Variants in GALNT6 observed in about 807,000 individuals in gnomAD.
The protein encoded by GALNT6 is polypeptide N-acetylgalactosaminyltransferase 6.
In GALNT6, 51 loss-of-function variants were observed where a neutral mutation model predicts 65.9. That is an observed-to-expected ratio of 0.77 (90% CI 0.62 to 0.98). The LOEUF (loss-of-function observed/expected upper bound fraction) is 0.98. Among genes scored for constraint, GALNT6 ranks in the 50% least tolerant of loss-of-function variants. The pLI is 0.00. For synonymous variants in GALNT6, 323 were observed against 315.1 expected (o/e 1.02, Z -0.26); for missense variants, 708 against 803.3 (o/e 0.88, Z 1.43).
Position 51,354,638 on chromosome 12 carries a change from T to A in GALNT6, c.1756-146A>T, listed in dbSNP as rs1020993664. 1.7e-5 allele frequency: 10 copies of A among 594,552 alleles called. No homozygotes were observed. The African/African-American group carries it at 2.0e-4, about 12-fold the overall frequency. 36.8% of individuals were successfully genotyped at this position (594,552 alleles called of 1,614,324 possible). A position where few individuals can be genotyped will look rare whatever the true frequency, so the allele number is the denominator to read the frequency against. ...ACACTTCCCCATTCCTTTCCTGCCC[T>A]CTCATGAGACACATTCCTGAGTTCC... is the stretch of plus-strand genomic sequence containing the variant. On this transcript the variant is annotated intron_variant, in intron 11 of 11. Coordinates refer to ENST00000356317, the MANE Select transcript of GALNT6 (RefSeq NM_007210.4).
intron 2 of GALNT6, among the ~76,000 whole-genome samples, chr12:51,385,868 T>C (rs1947822919): frequency 6.6e-6 from 1 of 152,066 alleles, no homozygotes; most frequent in East Asian, 1.9e-4. Flanking sequence ...AGGGTCTCAC[T>C]CTGTCACCCA....
chr12:51,354,547 T>A, intron 11 of GALNT6, 55 bp from the exon 12 acceptor site: 1 of 1,041,664 alleles, frequency 9.6e-7, no homozygotes, highest in Non-Finnish European at 1.4e-6. Context: ...TTAACGGTGC[T>A]ACCAGGGACA....
At chr12:51,363,778 A>T (rs1450883465) in intron 6 of GALNT6, among the ~76,000 whole-genome samples, 1 of 152,188 alleles carries the variant, frequency 6.6e-6, no homozygotes, top group Non-Finnish European at 1.5e-5. Flanking sequence ...GGAGGAATAA[A>T]CTAAAGAATG....
Position 51,354,600 on chromosome 12 carries a change from A to G in GALNT6, c.1756-108T>C, listed in dbSNP as rs898518964. ...TGACAAAAGCCAAGGGAACCCCACA[A>G]GGCACAAAGAGGACACTTCCCCATT... is the stretch of plus-strand genomic sequence containing the variant. On this transcript the variant is annotated intron_variant, in intron 11 of 11. Coordinates refer to ENST00000356317, the MANE Select transcript of GALNT6 (RefSeq NM_007210.4). 1.2e-5 allele frequency: 8 copies of G among 655,980 alleles called. No homozygotes were observed. In the South Asian group the frequency reaches 1.6e-4, roughly 13 times the overall value. 40.6% of individuals were successfully genotyped at this position (655,980 alleles called of 1,614,324 possible).
In GALNT6 at chr12:51,387,892, G is replaced by GA. The variant is rs1237656257; in HGVS notation, c.-104+2957dup. 6.6e-6 allele frequency among the ~76,000 whole-genome samples: 1 copy of GA among 152,116 alleles called. No individual in the cohort carries two copies. Among genetic ancestry groups the GA allele is most frequent in the African/African-American group, 2.4e-5 (1 of 41,414 alleles). Reference sequence around the variant, plus strand: ...GAAGGGGGCTTAATGGGAGAGACTAGAATTGAATTTTTCCTTTTCTCCTCA... The same window carrying GA: ...GAAGGGGGCTTAATGGGAGAGACTAGAAATTGAATTTTTCCTTTTCTCCTCA... On this transcript the variant is annotated intron_variant, in intron 2 of 11. Transcript: ENST00000356317. This position sits in a 1 kb window ranked among gnomAD's most constrained non-coding sequence, Gnocchi z 4.2.
chr12:51,370,329 G>A (rs1947253311), intron 4 of GALNT6, among the ~76,000 whole-genome samples: 1 of 152,066 alleles, frequency 6.6e-6, no homozygotes, highest in South Asian at 2.1e-4. Context: ...TGGATCACCT[G>A]AGGTCAGGAG....
chr12:51,357,194 A>C (rs951671674), intron 10 of GALNT6, among the ~76,000 whole-genome samples, 155 bp downstream of exon 10: 2 of 151,750 alleles, frequency 1.3e-5, no homozygotes, highest in African/African-American at 2.4e-5. Flanking sequence ...CCTTATTCAG[A>C]CCTTGTGTGT....
At chr12:51,377,459 C>T in intron 3 of GALNT6, 92 bp from the exon 4 acceptor site, 2 of 987,712 alleles carry the variant, frequency 2.0e-6, no homozygotes. Flanking sequence ...CCAGACCATC[C>T]TCCACTCCTC....
intron 2 of GALNT6, among the ~76,000 whole-genome samples, chr12:51,389,931 T>C (rs1050269999): frequency 1.3e-5 from 2 of 152,138 alleles, no homozygotes; most frequent in Non-Finnish European, 2.9e-5. Context: ...ATTACTGAGG[T>C]GAGGTCATCT....
chr12:51,383,617 TC>T (rs955419493), intron 2 of GALNT6: 1 of 152,208 alleles, frequency 6.6e-6, no homozygotes, highest in African/African-American at 2.4e-5. Flanking sequence ...ATTGAGCTCT[TC>T]CTAGGCATCT....
intron 11 of GALNT6, among the ~76,000 whole-genome samples, 171 bp from the exon 12 acceptor site, chr12:51,354,663 C>T (rs1351650126): frequency 6.6e-6 from 1 of 152,144 alleles, no homozygotes; most frequent in Non-Finnish European, 1.5e-5. Flanking sequence ...TCCTGAGTTC[C>T]CACCTCTATC....
rs1947019682 is a variant in GALNT6 at position 51,364,226 on chromosome 12, C to A, written c.944G>T (p.Gly315Val). The A allele has an allele frequency of 6.2e-7, 1 of 1,614,084 alleles. No homozygotes were observed. The part of the protein sequence containing the change: ...TFEFAKPVQR[G>V]RVHSRGNFDW... ...AAAGTTGCCTCGGCTATGGACTCTG[C>A]CCCTCTGGACGGGCTTGGCGAACTC... The change falls in exon 6 of 12, where the codon GGC (glycine) becomes GTC (valine). Residue 315 changes from glycine (G) to valine (V), a missense_variant. By Grantham distance (109) the Gly-to-Val change is moderately radical. Transcript: ENST00000356317.
rs1946664115 is a variant in GALNT6, at chr12:51,353,477, C to T, written c.*902G>A. 6.6e-6 allele frequency: 1 copy of T among 151,228 alleles called. No individual in the cohort carries two copies. Among genetic ancestry groups the T allele is most frequent in the Admixed American group, 6.6e-5 (1 of 15,090 alleles). The allele number at this position is 151,228 out of a possible 1,614,324, so 9.4% of individuals were successfully genotyped here. On this transcript the variant is annotated 3_prime_UTR_variant, in exon 12 of 12. Coordinates refer to ENST00000356317, the MANE Select transcript of GALNT6 (RefSeq NM_007210.4). ...CTCTGCCTCCTGGGTTCGAGTGATT[C>T]TCCTGCCTCAGCCTCCCAAGTAGCT... is the stretch of plus-strand genomic sequence containing the variant.
intron 10 of GALNT6, among the ~76,000 whole-genome samples, 173 bp downstream of exon 10, chr12:51,357,176 C>T (rs958180435): frequency 2.6e-5 from 4 of 152,312 alleles, no homozygotes; most frequent in South Asian, 2.1e-4. Context: ...TCGTTCTCTC[C>T]GGATGTCCCT....
At position 51,377,325 on chromosome 12, in the gene GALNT6, G is replaced by A. The variant is rs777446267; in HGVS notation, c.534C>T (p.Thr178=). Residue 178 remains threonine (T), a synonymous_variant, in exon 4 of 12, where the codon ACC becomes ACT. Coordinates refer to ENST00000356317, the MANE Select transcript of GALNT6 (RefSeq NM_007210.4). ...TGTGGAACACAATGATCACGCTGGT[G>A]GTGGCCAGTGGGGGGCAGCGCCGGA... The part of the protein sequence containing the change: ...QKFRRCPPLA[T]TSVIIVFHNE... 1 of 1,612,796 alleles carries A rather than the reference G, an allele frequency of 6.2e-7. No homozygotes were observed. The highest frequency in any genetic ancestry group is 8.5e-7 in the Non-Finnish European group (1 of 1,180,008).
chr12:51,367,301 G>A (rs1395302624), intron 4 of GALNT6, among the ~76,000 whole-genome samples: 1 of 151,544 alleles, frequency 6.6e-6, no homozygotes, highest in African/African-American at 2.4e-5. Context: ...CAGGTGTGGT[G>A]GCGCACACCT....
chr12:51,376,790 G>A (rs540973149), intron 4 of GALNT6, among the ~76,000 whole-genome samples: 100 of 152,260 alleles, frequency 6.6e-4, no homozygotes, highest in African/African-American at 2.2e-3. Context: ...TGGAAGTTTG[G>A]TGAGCAACCC....
chr12:51,384,931 A>G (rs1032841345), intron 2 of GALNT6, among the ~76,000 whole-genome samples: 3 of 152,202 alleles, frequency 2.0e-5, no homozygotes, highest in Middle Eastern at 3.2e-3. Context: ...TAGAATGAAA[A>G]GAAAATATCA....
chr12:51,389,784 C>G (rs1947971547), intron 2 of GALNT6, among the ~76,000 whole-genome samples: 1 of 152,220 alleles, frequency 6.6e-6, no homozygotes, highest in Non-Finnish European at 1.5e-5. Flanking sequence ...CTTCTTCCAG[C>G]TGAACTTGGG....
Sources: allele counts gnomAD v4.1 joint callset (sites outside exome capture counted in the v4.1 genomes callset), GRCh38; gene constraint gnomAD v4.1.1; non-coding constraint Gnocchi (gnomAD v3.1); transcripts MANE v1.5; gene names NCBI Gene and HGNC (gene_info 2026-07-23, HGNC 2026-07-21).